L3MBTL3: variants seen among roughly 807,000 people sequenced by gnomAD.
L3MBTL3 encodes L3MBTL histone methyl-lysine binding protein 3.
A neutral mutation model predicts 102.3 loss-of-function variants in L3MBTL3; 27 were observed. That is an observed-to-expected ratio of 0.26 (90% CI 0.19 to 0.36). The LOEUF (loss-of-function observed/expected upper bound fraction) is 0.36, where lower values mean the gene tolerates loss of function less well. L3MBTL3 is among the 10% of genes least tolerant of loss of function. The probability of loss-of-function intolerance (pLI) is 1.00; values close to 1 mark genes in which losing one functional copy is unlikely to be tolerated. For synonymous variants in L3MBTL3, 340 were observed against 320.9 expected, an observed-to-expected ratio of 1.06 and a Z score of -0.64; for missense variants, 798 against 955.3, an observed-to-expected ratio of 0.84 and a Z score of 2.17.
intron 14 of L3MBTL3, among the ~76,000 whole-genome samples, chr6:130,080,035 A>C (rs1783222432): frequency 6.6e-6 from 1 of 152,096 alleles, no homozygotes; most frequent in South Asian, 2.1e-4. Flanking sequence ...CGGGAGGATC[A>C]CTTGAGCCCA....
intron 15 of L3MBTL3, among the ~76,000 whole-genome samples, chr6:130,084,824 A>C (rs547550984): frequency 6.6e-6 from 1 of 152,242 alleles, no homozygotes. Context: ...CTTAATTTTC[A>C]TGGCAACCCT....
At chr6:130,053,408 G>A (rs1333525803) in intron 7 of L3MBTL3, among the ~76,000 whole-genome samples, 2 of 152,138 alleles carry the variant, frequency 1.3e-5, no homozygotes, top group Non-Finnish European at 2.9e-5. Context: ...GGCCGAGGCC[G>A]GCAGATCACG....
Position 130,083,701 on chromosome 6 carries a change from A to G in L3MBTL3, c.1403A>G (p.Lys468Arg), listed in dbSNP as rs141987480. ...TTACCTGCTCCTGCAAGAGCTTTCA[A>G]AGTGGTAAGATGATACATTTTATTA... is the stretch of plus-strand genomic sequence containing the variant. ...NSLPAPARAFKVKPPHGFQKK... is the reference protein window; with the variant it reads ...NSLPAPARAFRVKPPHGFQKK... The change falls in exon 15 of 23, where the codon AAA becomes AGA. Residue 468 changes from lysine (K) to arginine (R), a missense_variant. Physicochemically the swap from Lys to Arg is conservative, Grantham distance 26 (BLOSUM62 2). Around this residue, in one of 4 missense-constraint regions of L3MBTL3, gnomAD observed 306 missense variants for 314.4 expected, o/e 0.97. Coordinates refer to ENST00000361794, the MANE Select transcript of L3MBTL3 (RefSeq NM_032438.4). The G allele has an allele frequency of 4.0e-6, 6 of 1,492,972 alleles. No individual in the cohort carries two copies. In the South Asian group the frequency reaches 4.8e-5, roughly 12 times the overall value. 92.5% of individuals were successfully genotyped at this position (1,492,972 alleles called of 1,614,324 possible). A position where few individuals can be genotyped will look rare whatever the true frequency, so the allele number is the denominator to read the frequency against.
chr6:130,042,465 C>T (rs1045096079), intron 2 of L3MBTL3, among the ~76,000 whole-genome samples: 1 of 150,924 alleles, frequency 6.6e-6, no homozygotes, highest in African/African-American at 2.4e-5. Flanking sequence ...CACTTTTTAA[C>T]TAAGACATTT....
chr6:130,023,488 T>C (rs1779138856), intron 2 of L3MBTL3, among the ~76,000 whole-genome samples: 1 of 152,174 alleles, frequency 6.6e-6, no homozygotes, highest in South Asian at 2.1e-4. Flanking sequence ...ACACTGCTTA[T>C]TTTTCTTTGT....
chr6:130,078,922 C>T (rs1454825507), intron 14 of L3MBTL3, among the ~76,000 whole-genome samples: 1 of 151,998 alleles, frequency 6.6e-6, no homozygotes, highest in African/African-American at 2.4e-5. Flanking sequence ...TGCCTTAGTT[C>T]ATAACAGAGT....
intron 2 of L3MBTL3, among the ~76,000 whole-genome samples, chr6:130,028,193 A>G (rs1779477105): frequency 6.6e-6 from 1 of 152,088 alleles, no homozygotes; most frequent in Non-Finnish European, 1.5e-5. Context: ...ACAGAAGGGC[A>G]GGAAGTTGAG....
rs1168436883 is a variant in L3MBTL3 at position 130,133,710 on chromosome 6, C to CT, written c.2136+98dup. The CT allele has an allele frequency of 1.4e-3, 2,122 of 1,473,970 alleles. No individual in the cohort carries two copies. The highest frequency in any genetic ancestry group is 1.7e-3 in the Non-Finnish European group (1,784 of 1,078,522). 91.3% of individuals were successfully genotyped at this position (1,473,970 alleles called of 1,614,324 possible). On this transcript the variant is annotated intron_variant, in intron 21 of 22. Coordinates refer to ENST00000361794, the MANE Select transcript of L3MBTL3 (RefSeq NM_032438.4). The surrounding 1 kb of genome is among the most constrained non-coding windows in gnomAD (Gnocchi z 4.9). Reference sequence around the variant, plus strand: ...ACATTGAGCGTAGGTAGCGTTTAGTCTTTTTTTTTCTGAAAGAGAAGAAAT... The same window carrying CT: ...ACATTGAGCGTAGGTAGCGTTTAGTCTTTTTTTTTTCTGAAAGAGAAGAAAT...
At chr6:130,132,607 G>A (rs73602366) in intron 20 of L3MBTL3, among the ~76,000 whole-genome samples, 12,669 of 152,218 alleles carry the variant, frequency 0.083, 838 homozygotes, top group African/African-American at 0.17. Context: ...TTTCAGAAAA[G>A]GTTTCTGTTC....
chr6:130,126,795 G>A (rs574506258), intron 20 of L3MBTL3, among the ~76,000 whole-genome samples: 25 of 152,018 alleles, frequency 1.6e-4, no homozygotes, highest in Non-Finnish European at 2.5e-4. Context: ...GGTTCACTGA[G>A]ATGACTGACA....
chr6:130,136,010 C>G (rs1439673652), intron 22 of L3MBTL3, among the ~76,000 whole-genome samples: 2 of 152,212 alleles, frequency 1.3e-5, no homozygotes, highest in Non-Finnish European at 2.9e-5. Context: ...CTTGACTTCT[C>G]TCTTACACAT....
At chr6:130,038,044 A>G (rs917135291) in intron 2 of L3MBTL3, among the ~76,000 whole-genome samples, 1 of 151,660 alleles carries the variant, frequency 6.6e-6, no homozygotes, top group Non-Finnish European at 1.5e-5. Flanking sequence ...TTCTGAGCCT[A>G]CCTTCTTTTA....
At chr6:130,096,125 G>A (rs1281110998) in intron 18 of L3MBTL3, among the ~76,000 whole-genome samples, 4 of 151,878 alleles carry the variant, frequency 2.6e-5, no homozygotes, top group African/African-American at 2.4e-5. Context: ...TTTTCCCCAC[G>A]TTTTGGTGAG....
intron 2 of L3MBTL3, among the ~76,000 whole-genome samples, chr6:130,038,903 AT>A: frequency 6.6e-6 from 1 of 152,168 alleles, no homozygotes. Context: ...TATGTCTAAT[AT>A]TTGATGTTTT....
At chr6:130,060,373 A>G (rs1781808335) in intron 10 of L3MBTL3, among the ~76,000 whole-genome samples, 1 of 152,190 alleles carries the variant, frequency 6.6e-6, no homozygotes, top group African/African-American at 2.4e-5. Flanking sequence ...ATACAAGACC[A>G]CACAGCTTCA....
chr6:130,134,914 G>A (rs1787459177), intron 22 of L3MBTL3, among the ~76,000 whole-genome samples: 1 of 152,046 alleles, frequency 6.6e-6, no homozygotes, highest in Admixed American at 6.5e-5. Flanking sequence ...AATGCACAAG[G>A]ATCTGATTTC....
rs144557707 is a variant in L3MBTL3, at chr6:130,133,541, C to A, written c.2056C>A (p.Arg686Ser). 1 of 1,614,132 alleles carries A rather than the reference C, an allele frequency of 6.2e-7. No homozygotes were observed. The highest frequency in any genetic ancestry group is 1.7e-5 in the Admixed American group (1 of 60,030). Residue 686 changes from arginine to serine, a missense_variant, in exon 21 of 23, where the codon CGC becomes AGC. Around this residue, in one of 4 missense-constraint regions of L3MBTL3, gnomAD observed 306 missense variants for 314.4 expected, o/e 0.97. Coordinates refer to ENST00000361794, the MANE Select transcript of L3MBTL3 (RefSeq NM_032438.4). The surrounding 1 kb of genome is among the most constrained non-coding windows in gnomAD (Gnocchi z 4.9). Reference sequence around the variant, plus strand: ...GTCCCCAATTCCATGTCTGCCCTTGCGCTGGGAGCAGCAAAGCAAACTTCT... The same window carrying A: ...GTCCCCAATTCCATGTCTGCCCTTGAGCTGGGAGCAGCAAAGCAAACTTCT... ...FKSPIPCLPL[R>S]WEQQSKLLPT...
rs145442595 is a variant in L3MBTL3, at chr6:130,105,649, A to C, written c.1886+1074A>C. ...AAAAAAAAAAAAAAAATTAACTTTA[A>C]AACATATAACGGTTATTAACTCATG... is the stretch of plus-strand genomic sequence containing the variant. On this transcript the variant is annotated intron_variant, in intron 19 of 22. Transcript: ENST00000361794. 6.8e-4 allele frequency among the ~76,000 whole-genome samples: 102 copies of C among 150,004 alleles called. 3 individuals are homozygous for C. In the Middle Eastern group the frequency reaches 0.031, roughly 46 times the overall value.
At chr6:130,072,256 C>T (rs1782686779) in intron 13 of L3MBTL3, among the ~76,000 whole-genome samples, 1 of 151,854 alleles carries the variant, frequency 6.6e-6, no homozygotes, top group Admixed American at 6.6e-5. Flanking sequence ...AAATACATAG[C>T]ATTTACATTG....
Sources: gnomAD v4.1 joint callset for allele counts (sites outside exome capture counted in the v4.1 genomes callset) on GRCh38, gnomAD v4.1.1 for gene constraint, gnomAD v4.1.1 regional missense constraint, Gnocchi (gnomAD v3.1) non-coding constraint, MANE v1.5 for transcripts, NCBI Gene and HGNC (gene_info 2026-07-23, HGNC 2026-07-21) for gene names.